YPEL1: variants seen among roughly 807,000 people sequenced by gnomAD.
The protein encoded by YPEL1 is protein yippee-like 1.
A neutral mutation model predicts 17.3 loss-of-function variants in YPEL1; 7 were observed. The ratio of observed to expected loss-of-function variants is 0.40; its 90% CI spans 0.23 to 0.76. The LOEUF (loss-of-function observed/expected upper bound fraction) is 0.76, where lower values mean the gene tolerates loss of function less well. YPEL1 is among the 30% of genes least tolerant of loss of function. The pLI, the probability that YPEL1 is intolerant of heterozygous loss-of-function variation, is 0.35. For synonymous variants in YPEL1, 59 were observed against 59.6 expected (o/e 0.99, Z 0.05); for missense variants, 91 against 155.5 (o/e 0.59, Z 2.21).
At chr22:21,734,293 TTA>T (rs2068416259) in intron 1 of YPEL1, among the ~76,000 whole-genome samples, 1 of 152,182 alleles carries the variant, frequency 6.6e-6, no homozygotes, top group South Asian at 2.1e-4. Context: ...TACCCACAGT[TTA>T]GTGACAAGAA....
rs754672458 is a variant in YPEL1, at chr22:21,703,814, C to T, written c.161+25G>A. On this transcript the variant is annotated intron_variant, in intron 3 of 4. Transcript: ENST00000339468. This position sits in a 1 kb window ranked among gnomAD's most constrained non-coding sequence, Gnocchi z 6.1. ...GCCGTCCCAGGGCCCGTGCCGCTCC[C>T]CCCGGGCTGAACCAGGGTACTCACA... The T allele has an allele frequency of 3.5e-5, 57 of 1,606,958 alleles. No homozygotes were observed. In the South Asian group the frequency reaches 3.9e-4, roughly 11 times the overall value.
At chr22:21,725,496 T>C (rs1310045110) in intron 1 of YPEL1, among the ~76,000 whole-genome samples, 1 of 152,038 alleles carries the variant, frequency 6.6e-6, no homozygotes, top group Non-Finnish European at 1.5e-5. Context: ...CCCAAAGTGC[T>C]GGGATTACAG....
chr22:21,701,119 A>G lies in YPEL1; in HGVS notation c.*10T>C, dbSNP rs764614308. The stretch of plus-strand genomic sequence containing the variant: ...AAACAGCATTCAAAGGAGAAGGGAA[A>G]GTTCGCACATTACTCCCAGCCATTG... On this transcript the variant is annotated 3_prime_UTR_variant, in exon 5 of 5. Coordinates refer to ENST00000339468, the MANE Select transcript of YPEL1 (RefSeq NM_013313.5). 3.7e-6 allele frequency: 6 copies of G among 1,610,744 alleles called. No homozygotes were observed. The highest frequency in any genetic ancestry group is 3.3e-5 in the Admixed American group (2 of 59,904).
At chr22:21,706,137 A>T (rs2068113409) in intron 2 of YPEL1, among the ~76,000 whole-genome samples, 1 of 150,896 alleles carries the variant, frequency 6.6e-6, no homozygotes, top group African/African-American at 2.4e-5. Flanking sequence ...CCTCAAAAAA[A>T]ATTTTAAGAA....
intron 1 of YPEL1, among the ~76,000 whole-genome samples, chr22:21,715,972 G>A (rs955164367): frequency 6.6e-6 from 1 of 152,258 alleles, no homozygotes; most frequent in African/African-American, 2.4e-5. Context: ...ATGTTGGTCA[G>A]GCTGGTCTCA....
intron 1 of YPEL1, among the ~76,000 whole-genome samples, chr22:21,732,111 C>A (rs1034672865): frequency 6.6e-6 from 1 of 152,228 alleles, no homozygotes; most frequent in Non-Finnish European, 1.5e-5. Context: ...ATTTTACTCT[C>A]ACCTGCCAAC....
At chr22:21,734,764 C>T (rs1406146587) in intron 1 of YPEL1, among the ~76,000 whole-genome samples, 3 of 152,184 alleles carry the variant, frequency 2.0e-5, no homozygotes, top group Non-Finnish European at 2.9e-5. Flanking sequence ...ATAGCTTGCT[C>T]AGGTGAGGTG....
chr22:21,724,487 T>C (rs2068313309), intron 1 of YPEL1, among the ~76,000 whole-genome samples: 1 of 151,996 alleles, frequency 6.6e-6, no homozygotes, highest in Non-Finnish European at 1.5e-5. Flanking sequence ...CTGTGAGCCA[T>C]GATCGCACCA....
At chr22:21,724,929 T>C (rs1429200089) in intron 1 of YPEL1, among the ~76,000 whole-genome samples, 1 of 150,170 alleles carries the variant, frequency 6.7e-6, no homozygotes, top group Non-Finnish European at 1.5e-5. Flanking sequence ...TTTTTTGAAA[T>C]GGACTTTCGC....
At chr22:21,714,059 T>C (rs2068197590) in intron 1 of YPEL1, among the ~76,000 whole-genome samples, 1 of 131,684 alleles carries the variant, frequency 7.6e-6, no homozygotes, top group Non-Finnish European at 1.6e-5. Context: ...CCCCACCCCA[T>C]GTGACCTCTG....
At chr22:21,727,497 C>T (rs778054325) in intron 1 of YPEL1, among the ~76,000 whole-genome samples, 65 of 152,344 alleles carry the variant, frequency 4.3e-4, no homozygotes, top group Non-Finnish European at 7.8e-4. Flanking sequence ...AGCTGCCATC[C>T]ATCCCCCCAA....
intron 1 of YPEL1, among the ~76,000 whole-genome samples, chr22:21,719,936 T>TG (rs1007614033): frequency 3.4e-5 from 5 of 146,056 alleles, no homozygotes; most frequent in East Asian, 2.0e-4. Flanking sequence ...CGTTTGAACC[T>TG]GGGGGGCGGA....
At position 21,703,610 on chromosome 22, in the gene YPEL1, T is replaced by C; in HGVS notation, c.162-132A>G. 1 of 876,034 alleles carries C rather than the reference T, an allele frequency of 1.1e-6. No individual in the cohort carries two copies. The allele number at this position is 876,034 out of a possible 1,614,324, so 54.3% of individuals were successfully genotyped here. Reference sequence around the variant, plus strand: ...GGGAAACTCCCAGAGAGCAGTGCCGTGCCTCTCCCCCAGCCCTGCCCGCCA... The same window carrying C: ...GGGAAACTCCCAGAGAGCAGTGCCGCGCCTCTCCCCCAGCCCTGCCCGCCA... On this transcript the variant is annotated intron_variant, in intron 3 of 4. Coordinates refer to ENST00000339468, the MANE Select transcript of YPEL1 (RefSeq NM_013313.5). The surrounding 1 kb of genome is among the most constrained non-coding windows in gnomAD (Gnocchi z 6.1).
intron 1 of YPEL1, among the ~76,000 whole-genome samples, chr22:21,724,572 C>CTTTTTT (rs111485924): frequency 2.2e-5 from 3 of 134,574 alleles, no homozygotes; most frequent in East Asian, 2.1e-4. Flanking sequence ...AAATTTTTTT[C>CTTTTTT]TTTTTTTTTT....
chr22:21,724,895 T>G (rs1471312722), intron 1 of YPEL1, among the ~76,000 whole-genome samples: 1 of 151,866 alleles, frequency 6.6e-6, no homozygotes. Context: ...AATAAAATTT[T>G]ATTTTACTTT....
At chr22:21,707,593 ATAT>A (rs1458307665) in intron 2 of YPEL1, among the ~76,000 whole-genome samples, 2 of 152,200 alleles carry the variant, frequency 1.3e-5, no homozygotes, top group African/African-American at 2.4e-5. Context: ...GGGATTAGGA[ATAT>A]TATTCTATGT....
At position 21,700,697 on chromosome 22, in the gene YPEL1, ACTC is replaced by A. The variant is rs1254970944; in HGVS notation, c.*429_*431del. On this transcript the variant is annotated 3_prime_UTR_variant, in exon 5 of 5. Coordinates refer to ENST00000339468, the MANE Select transcript of YPEL1 (RefSeq NM_013313.5). Reference sequence around the variant, plus strand: ...ACCATGTTGGCCAGGCTGATCTAGAACTCCTGACCTCAGGTGATCCACCCATCT... The same window carrying A: ...ACCATGTTGGCCAGGCTGATCTAGAACTGACCTCAGGTGATCCACCCATCT... The A allele has an allele frequency of 6.4e-6, 1 of 155,202 alleles. No individual in the cohort carries two copies. The highest frequency in any genetic ancestry group is 2.4e-5 in the African/African-American group (1 of 41,184). The allele number at this position is 155,202 out of a possible 1,614,324, so 9.6% of individuals were successfully genotyped here.
At chr22:21,714,936 G>A (rs540805670) in intron 1 of YPEL1, among the ~76,000 whole-genome samples, 1 of 152,128 alleles carries the variant, frequency 6.6e-6, no homozygotes, top group African/African-American at 2.4e-5. Context: ...TGATTCGTAG[G>A]AGTAAGTGAT....
intron 1 of YPEL1, among the ~76,000 whole-genome samples, chr22:21,731,984 T>TCCCGGC (rs2068391731): frequency 6.6e-6 from 1 of 152,126 alleles, no homozygotes; most frequent in Non-Finnish European, 1.5e-5. Context: ...CCACCAGGAA[T>TCCCGGC]CCCGGCCCCG....
Sources: allele counts gnomAD v4.1 joint callset (sites outside exome capture counted in the v4.1 genomes callset), GRCh38; gene constraint gnomAD v4.1.1; non-coding constraint Gnocchi (gnomAD v3.1); transcripts MANE v1.5; gene names NCBI Gene and HGNC (gene_info 2026-07-23, HGNC 2026-07-21).